Variants in KCP observed in about 807,000 individuals in gnomAD.
The protein encoded by KCP is kielin cysteine rich BMP regulator, also known as kielin/chordin-like protein.
Under a neutral mutation model 212.7 loss-of-function variants are expected in KCP, and 194 were observed. The ratio of observed to expected loss-of-function variants is 0.91; its 90% CI spans 0.81 to 1.03. KCP has a LOEUF of 1.03. Among genes scored for constraint, KCP ranks in the 50% least tolerant of loss-of-function variants. KCP has a pLI of 0.00. For missense variants in KCP, 2,080 were observed against 2,162.5 expected (o/e 0.96, Z 0.76); for synonymous variants, 833 against 865.3 (o/e 0.96, Z 0.65).
In KCP at chr7:128,907,250, A is replaced by G. The variant is rs1301661266; in HGVS notation, c.409+14T>C. ...CTTTAGGTGGCCCCAGTGGGCGGAT[A>G]GGGTGGCACTTACCCCTGCAATGGG... On this transcript the variant is annotated intron_variant, in intron 3 of 39. Transcript: ENST00000610776. 2 of 1,534,348 alleles carry G rather than the reference A, an allele frequency of 1.3e-6. No individual in the cohort carries two copies. Among genetic ancestry groups the G allele is most frequent in the East Asian group, 4.9e-5 (2 of 40,458 alleles).
Position 128,892,851 on chromosome 7 carries a change from A to C in KCP, c.1420+18T>G, listed in dbSNP as rs1400897139. 1.9e-6 allele frequency: 3 copies of C among 1,550,916 alleles called. No individual in the cohort carries two copies. The highest frequency in any genetic ancestry group is 2.6e-6 in the Non-Finnish European group (3 of 1,146,656). The stretch of plus-strand genomic sequence containing the variant: ...GGTAATGCAGGGGAAGAAAGCCAGG[A>C]TCAGCCCAGGCACTCACCAGGGGGC... On this transcript the variant is annotated intron_variant, in intron 14 of 39. Transcript: ENST00000610776.
At chr7:128,901,235 C>A (rs985415901) in intron 8 of KCP, among the ~76,000 whole-genome samples, 1 of 152,192 alleles carries the variant, frequency 6.6e-6, no homozygotes, top group Non-Finnish European at 1.5e-5. Context: ...CCTTTTTTAG[C>A]ATATCATCAA....
At chr7:128,893,679 G>A (rs1375607642) in intron 11 of KCP, 127 bp downstream of exon 11, 2 of 1,079,928 alleles carry the variant, frequency 1.9e-6, no homozygotes, top group African/African-American at 1.6e-5. Context: ...ATGAGAAGGT[G>A]TGGTGAGGAC....
chr7:128,902,934 C>T, intron 7 of KCP, 75 bp from the exon 8 acceptor site: 1 of 1,109,266 alleles, frequency 9.0e-7, no homozygotes, highest in South Asian at 1.3e-5. Context: ...TGCCCGCCTT[C>T]CTTGTCCACA....
chr7:128,880,143 G>T, intron 34 of KCP, 58 bp from the exon 35 acceptor site: 1 of 1,455,000 alleles, frequency 6.9e-7, no homozygotes, highest in South Asian at 1.4e-5. Context: ...GCCTCTCGCA[G>T]ACCCTCCCAG....
intron 5 of KCP, among the ~76,000 whole-genome samples, chr7:128,905,232 C>T (rs1284587621): frequency 4.6e-5 from 7 of 152,182 alleles, no homozygotes; most frequent in South Asian, 2.1e-4. Context: ...AAGAATAAGA[C>T]GTCAATTTTA....
At position 128,886,976 on chromosome 7, in the gene KCP, A is replaced by G. The variant is rs1793691481; in HGVS notation, c.2599-10T>C. 4.9e-6 allele frequency: 7 copies of G among 1,434,308 alleles called. No homozygotes were observed. Among genetic ancestry groups the G allele is most frequent in the African/African-American group, 1.4e-5 (1 of 70,440 alleles). 88.8% of individuals were successfully genotyped at this position (1,434,308 alleles called of 1,614,324 possible). ...AGCGCATGGAACCTTCCTGGGGGAG[A>G]GAGGCCCATCACACCCTCAACTGGA... On this transcript the variant is annotated splice_polypyrimidine_tract_variant and intron_variant, in intron 23 of 39. Transcript: ENST00000610776.
chr7:128,887,772 C>T (rs1563029229), intron 22 of KCP, among the ~76,000 whole-genome samples: 1 of 150,960 alleles, frequency 6.6e-6, no homozygotes, highest in South Asian at 2.1e-4. Flanking sequence ...CACACAGCCA[C>T]ACACACACAT....
intron 29 of KCP, among the ~76,000 whole-genome samples, chr7:128,883,383 C>A (rs1010273977): frequency 6.6e-6 from 1 of 152,056 alleles, no homozygotes; most frequent in Non-Finnish European, 1.5e-5. Flanking sequence ...TGTGATCCTC[C>A]CACCTTGGCC....
At chr7:128,896,764 G>A (rs542001841) in intron 8 of KCP, among the ~76,000 whole-genome samples, 1 of 152,092 alleles carries the variant, frequency 6.6e-6, no homozygotes, top group East Asian at 1.9e-4. Context: ...GGTGGCACAC[G>A]CCTGTAGTCC....
Position 128,904,314 on chromosome 7 carries a change from G to A in KCP, c.572-176C>T, listed in dbSNP as rs541236843. Reference sequence around the variant, plus strand: ...CGGCAGATGGGGCAGCACTCCCCAGGTGGGGTGCAGCTCTCCAAGCAGTTG... The same window carrying A: ...CGGCAGATGGGGCAGCACTCCCCAGATGGGGTGCAGCTCTCCAAGCAGTTG... On this transcript the variant is annotated intron_variant, in intron 5 of 39. Coordinates refer to ENST00000610776, the MANE Select transcript of KCP (RefSeq NM_001366122.1). 9.0e-5 allele frequency: 139 copies of A among 1,552,252 alleles called. 1 individual carries two copies. The South Asian group carries it at 1.5e-3, about 17-fold the overall frequency.
chr7:128,897,308 G>C (rs963804645), intron 8 of KCP, among the ~76,000 whole-genome samples: 1 of 152,156 alleles, frequency 6.6e-6, no homozygotes, highest in East Asian at 1.9e-4. Flanking sequence ...ACTGGATAAG[G>C]TTTCCCTTGT....
At chr7:128,909,685 G>A (rs1441146239) in intron 1 of KCP, among the ~76,000 whole-genome samples, 2 of 152,052 alleles carry the variant, frequency 1.3e-5, no homozygotes, top group African/African-American at 2.4e-5. Context: ...CGACCTTTCT[G>A]AATCACACAG....
Position 128,890,469 on chromosome 7 carries a change from G to T in KCP, c.2209C>A (p.Pro737Thr). Reference protein sequence around the residue: ...GKEFASGERFPSPTAACHLCL... With the variant: ...GKEFASGERFTSPTAACHLCL... ...AGGTGGCAGGCAGCAGTGGGCGATGGGAAGCGCTCCCCGCTGGCAAACTCC... is the reference window on the plus strand; with the variant it reads ...AGGTGGCAGGCAGCAGTGGGCGATGTGAAGCGCTCCCCGCTGGCAAACTCC... Residue 737 changes from proline to threonine, a missense_variant, in exon 21 of 40, where the codon CCA (proline) becomes ACA (threonine). By Grantham distance (38) the Pro-to-Thr change is conservative. Coordinates refer to ENST00000610776, the MANE Select transcript of KCP (RefSeq NM_001366122.1). 6.4e-7 allele frequency: 1 copy of T among 1,550,824 alleles called. No individual in the cohort carries two copies. The highest frequency in any genetic ancestry group is 1.2e-5 in the South Asian group (1 of 84,038).
chr7:128,877,600 C>T lies in KCP; in HGVS notation c.4502G>A (p.Cys1501Tyr), dbSNP rs1213437690. 2.6e-6 allele frequency: 4 copies of T among 1,551,698 alleles called. No individual in the cohort carries two copies. Among genetic ancestry groups the T allele is most frequent in the Non-Finnish European group, 2.6e-6 (3 of 1,146,996 alleles). Residue 1501 changes from cysteine (C) to tyrosine (Y), a missense_variant, in exon 39 of 40, where the codon TGT (cysteine) becomes TAT (tyrosine). By Grantham distance (194) the Cys-to-Tyr change is radical. Transcript: ENST00000610776. ...AGCGGAGGAGCCAGGGCCACAGGCA[C>T]ACAGGTCATACACACAGGCGGCAAA... is the stretch of plus-strand genomic sequence containing the variant. ...PFFAACVYDL[C>Y]ACGPGSSADA...
intron 24 of KCP, 38 bp downstream of exon 24, chr7:128,886,838 G>T: frequency 1.4e-6 from 2 of 1,405,012 alleles, no homozygotes; most frequent in East Asian, 2.5e-5. Flanking sequence ...GAGAGGCGGG[G>T]AAGGGCATGG....
intron 8 of KCP, among the ~76,000 whole-genome samples, chr7:128,902,423 G>A (rs891270334): frequency 6.6e-6 from 1 of 152,200 alleles, no homozygotes; most frequent in African/African-American, 2.4e-5. Flanking sequence ...GTAGCCACAG[G>A]TAGTAGTGGC....
In KCP at chr7:128,910,179, G is replaced by T. The variant is rs548079243; in HGVS notation, c.76+422C>A. ...TGGCTGGTCCCCAAGGAATTGTCCC[G>T]GGTTCCCCTCTTAGCCTCCCCTGGC... On this transcript the variant is annotated intron_variant, in intron 1 of 39. Coordinates refer to ENST00000610776, the MANE Select transcript of KCP (RefSeq NM_001366122.1). Among the ~76,000 whole-genome samples the T allele has an allele frequency of 2.0e-5, 3 of 152,276 alleles. No homozygotes were observed. In the South Asian group the frequency reaches 6.2e-4, roughly 32 times the overall value.
intron 8 of KCP, 56 bp downstream of exon 8, chr7:128,902,721 T>A: frequency 2.1e-6 from 3 of 1,443,792 alleles, no homozygotes; most frequent in Non-Finnish European, 2.9e-6. Context: ...AGCAAATGAA[T>A]ACAGTGGGCC....
Sources: allele counts gnomAD v4.1 joint callset (sites outside exome capture counted in the v4.1 genomes callset), GRCh38; gene constraint gnomAD v4.1.1; transcripts MANE v1.5; gene names NCBI Gene and HGNC (gene_info 2026-07-23, HGNC 2026-07-21).